Variants in TNIK observed in about 807,000 individuals in gnomAD.
TNIK encodes TRAF2 and NCK-interacting protein kinase.
Under a neutral mutation model 191.3 loss-of-function variants are expected in TNIK, and 49 were observed. The observed-to-expected ratio is 0.26, with a 90% CI of 0.20 to 0.32. The LOEUF is 0.32. Among genes scored for constraint, TNIK ranks in the 10% least tolerant of loss-of-function variants. The probability of loss-of-function intolerance (pLI) is 1.00; values close to 1 mark genes in which losing one functional copy is unlikely to be tolerated. For synonymous variants in TNIK, 594 were observed against 600.9 expected (o/e 0.99, Z 0.17); for missense variants, 1,155 against 1,702.3 (o/e 0.68, Z 5.66).
chr3:171,132,235 T>G lies in TNIK; in HGVS notation c.1609-3357A>C, dbSNP rs574819793. ...TAAATGATTTCACAGTAGAAGGAAT[T>G]ATCAGAAATACAGAGAAGGTTAGCA... On this transcript the variant is annotated intron_variant, in intron 15 of 32. Coordinates refer to ENST00000436636, the MANE Select transcript of TNIK (RefSeq NM_015028.4). Among the ~76,000 whole-genome samples the G allele has an allele frequency of 7.2e-5, 11 of 152,326 alleles. No individual in the cohort carries two copies. In the East Asian group the frequency reaches 2.1e-3, roughly 29 times the overall value.
Position 171,084,144 on chromosome 3 carries a change from C to T in TNIK, c.3169+11G>A. On this transcript the variant is annotated intron_variant, in intron 26 of 32. Coordinates refer to ENST00000436636, the MANE Select transcript of TNIK (RefSeq NM_015028.4). ...TATTTAAAAAAAAAAAAAAAAAAAG[C>T]ACCAACATACCCCACAGAGCTGCAC... 1 of 1,458,394 alleles carries T rather than the reference C, an allele frequency of 6.9e-7. No homozygotes were observed. Among genetic ancestry groups the T allele is most frequent in the Non-Finnish European group, 9.0e-7 (1 of 1,106,328 alleles). The allele number at this position is 1,458,394 out of a possible 1,614,324, so 90.3% of individuals were successfully genotyped here. A position where few individuals can be genotyped will look rare whatever the true frequency, so the allele number is the denominator to read the frequency against.
Position 171,453,112 on chromosome 3 carries a change from G to T in TNIK, c.57+6895C>A, listed in dbSNP as rs187757344. On this transcript the variant is annotated intron_variant, in intron 1 of 32. Transcript: ENST00000436636. Reference sequence around the variant, plus strand: ...AGCACCACCTCCAGCCCTTCTAAAAGGGTTGCACAGTATATATTTTGTTAA... The same window carrying T: ...AGCACCACCTCCAGCCCTTCTAAAATGGTTGCACAGTATATATTTTGTTAA... Among the ~76,000 whole-genome samples the T allele has an allele frequency of 5.9e-5, 9 of 152,208 alleles. No homozygotes were observed. The East Asian group carries it at 1.7e-3, about 29-fold the overall frequency.
intron 17 of TNIK, among the ~76,000 whole-genome samples, chr3:171,123,906 A>C (rs1032060553): frequency 1.3e-5 from 2 of 152,212 alleles, no homozygotes; most frequent in Non-Finnish European, 2.9e-5. Flanking sequence ...AACAATGAGC[A>C]AATTTGGGAA....
intron 9 of TNIK, among the ~76,000 whole-genome samples, chr3:171,171,940 A>G (rs1279108998): frequency 6.6e-6 from 1 of 152,198 alleles, no homozygotes; most frequent in Admixed American, 6.5e-5. Flanking sequence ...ACTTATTATT[A>G]AATGGCTGAG....
chr3:171,182,042 C>T (rs1736711643), intron 7 of TNIK, among the ~76,000 whole-genome samples: 1 of 152,134 alleles, frequency 6.6e-6, no homozygotes, highest in African/African-American at 2.4e-5. Flanking sequence ...TTTCCCTAAG[C>T]CACCAGAACA....
chr3:171,450,923 A>T (rs1009609457), intron 1 of TNIK, among the ~76,000 whole-genome samples: 1 of 152,204 alleles, frequency 6.6e-6, no homozygotes, highest in South Asian at 2.1e-4. Context: ...CCAGATTTTT[A>T]AAAAATTCAG....
chr3:171,115,779 C>G (rs984687805), intron 18 of TNIK, among the ~76,000 whole-genome samples: 1 of 152,168 alleles, frequency 6.6e-6, no homozygotes, highest in African/African-American at 2.4e-5. Flanking sequence ...TACACGTGAA[C>G]GACTGACCAG....
chr3:171,106,626 A>G (rs761398116), intron 21 of TNIK: 2 of 523,214 alleles, frequency 3.8e-6, no homozygotes, highest in Non-Finnish European at 7.9e-6. Context: ...TGACAAAGCC[A>G]TATATTTTTC....
At chr3:171,206,502 C>T (rs1057271752) in intron 4 of TNIK, among the ~76,000 whole-genome samples, 10 of 152,048 alleles carry the variant, frequency 6.6e-5, no homozygotes, top group Admixed American at 3.9e-4. Context: ...GAGTACAATA[C>T]CTCCCATTAA....
At chr3:171,346,829 G>C (rs1712281076) in intron 2 of TNIK, 2 of 206,026 alleles carry the variant, frequency 9.7e-6, no homozygotes, top group African/African-American at 4.7e-5. Flanking sequence ...AGAAAGAACA[G>C]CACTAAGAAG....
chr3:171,090,850 T>C (rs759263416), intron 23 of TNIK, among the ~76,000 whole-genome samples: 1 of 152,174 alleles, frequency 6.6e-6, no homozygotes, highest in Non-Finnish European at 1.5e-5. Flanking sequence ...ATCATGAGTG[T>C]TAGAGTGGTA....
At chr3:171,422,339 TACAC>T (rs963330380) in intron 1 of TNIK, among the ~76,000 whole-genome samples, 2 of 152,094 alleles carry the variant, frequency 1.3e-5, no homozygotes. Flanking sequence ...TACACATACT[TACAC>T]ACACCACATG....
intron 2 of TNIK, among the ~76,000 whole-genome samples, chr3:171,246,582 T>C (rs1300554284): frequency 6.6e-6 from 1 of 152,214 alleles, no homozygotes; most frequent in Non-Finnish European, 1.5e-5. Context: ...AGCATCTCAT[T>C]TGACTTCTGC....
At chr3:171,303,216 G>C (rs1378589070) in intron 2 of TNIK, among the ~76,000 whole-genome samples, 1 of 152,044 alleles carries the variant, frequency 6.6e-6, no homozygotes, top group Non-Finnish European at 1.5e-5. Flanking sequence ...TAAATAGACA[G>C]TTACTACTAG....
At chr3:171,184,815 G>T (rs1455394641) in intron 7 of TNIK, among the ~76,000 whole-genome samples, 1 of 152,218 alleles carries the variant, frequency 6.6e-6, no homozygotes, top group African/African-American at 2.4e-5. Context: ...CAGGGGAAAA[G>T]AGTACTTTTT....
intron 2 of TNIK, among the ~76,000 whole-genome samples, chr3:171,270,241 C>T (rs950516083): frequency 6.6e-6 from 1 of 152,142 alleles, no homozygotes; most frequent in African/African-American, 2.4e-5. Context: ...GCAACTGGGT[C>T]ATGAGAATAC....
At chr3:171,208,302 C>T (rs1740353584) in intron 4 of TNIK, among the ~76,000 whole-genome samples, 1 of 150,856 alleles carries the variant, frequency 6.6e-6, no homozygotes, top group African/African-American at 2.4e-5. Context: ...GCCTGGAGGA[C>T]AGAGCAAGAC....
At chr3:171,265,854 T>C (rs1171187914) in intron 2 of TNIK, among the ~76,000 whole-genome samples, 1 of 152,106 alleles carries the variant, frequency 6.6e-6, no homozygotes, top group African/African-American at 2.4e-5. Flanking sequence ...AGCATTATTT[T>C]TTTTTCCTTT....
chr3:171,232,822 G>A (rs577260359), intron 2 of TNIK, among the ~76,000 whole-genome samples: 4 of 152,174 alleles, frequency 2.6e-5, no homozygotes, highest in South Asian at 2.1e-4. Context: ...ATTCAACATC[G>A]AGGTGAAATC....
Sources: gnomAD v4.1 joint callset for allele counts (sites outside exome capture counted in the v4.1 genomes callset) on GRCh38, gnomAD v4.1.1 for gene constraint, MANE v1.5 for transcripts, NCBI Gene and HGNC (gene_info 2026-07-23, HGNC 2026-07-21) for gene names.